Variants in MNAT1 observed in about 807,000 individuals in gnomAD.
The protein encoded by MNAT1 is MNAT1 component of CDK activating kinase.
In MNAT1, 43 loss-of-function variants were observed where a neutral mutation model predicts 42.0. The ratio of observed to expected loss-of-function variants is 1.02; its 90% CI spans 0.80 to 1.32. The LOEUF (loss-of-function observed/expected upper bound fraction) is 1.32. MNAT1 is among the 40% of genes most tolerant of loss of function. The pLI is 0.00. For synonymous variants in MNAT1, 118 were observed against 120.0 expected, an observed-to-expected ratio of 0.98 and a Z score of 0.11; for missense variants, 306 against 350.4, an observed-to-expected ratio of 0.87 and a Z score of 1.01.
At chr14:60,854,654 C>G (rs370371766) in intron 6 of MNAT1, among the ~76,000 whole-genome samples, 1 of 152,164 alleles carries the variant, frequency 6.6e-6, no homozygotes, top group African/African-American at 2.4e-5. Context: ...AAGATTGCTG[C>G]CTGCTCCTTC....
intron 1 of MNAT1, among the ~76,000 whole-genome samples, chr14:60,762,361 A>C (rs559839205): frequency 6.6e-6 from 1 of 152,126 alleles, no homozygotes; most frequent in South Asian, 2.1e-4. Context: ...ATAGATTATC[A>C]GGAGAGTGAA....
chr14:60,877,792 A>T (rs2034466139), intron 6 of MNAT1, among the ~76,000 whole-genome samples: 1 of 152,020 alleles, frequency 6.6e-6, no homozygotes, highest in African/African-American at 2.4e-5. Context: ...GTGGCACTTT[A>T]TTTTGCTCAA....
intron 6 of MNAT1, among the ~76,000 whole-genome samples, chr14:60,872,145 A>G (rs1410776124): frequency 6.6e-6 from 1 of 152,168 alleles, no homozygotes; most frequent in East Asian, 1.9e-4. Context: ...GCTTTTACTC[A>G]TGGTGGATGG....
chr14:60,813,031 G>T (rs111715800), intron 5 of MNAT1, among the ~76,000 whole-genome samples: 10 of 152,302 alleles, frequency 6.6e-5, no homozygotes, highest in African/African-American at 2.4e-4. Context: ...GAAGCCAACT[G>T]AGCTGCCAAC....
At chr14:60,781,283 G>A (rs2031451278) in intron 1 of MNAT1, among the ~76,000 whole-genome samples, 1 of 152,122 alleles carries the variant, frequency 6.6e-6, no homozygotes, top group African/African-American at 2.4e-5. Flanking sequence ...AAAGAAGCAA[G>A]TGGATTTGTG....
intron 6 of MNAT1, among the ~76,000 whole-genome samples, chr14:60,820,580 T>TAG (rs1177565264): frequency 1.3e-4 from 20 of 151,810 alleles, no homozygotes; most frequent in African/African-American, 3.9e-4. Context: ...TTTGAAAATC[T>TAG]AGATACTTCG....
intron 7 of MNAT1, among the ~76,000 whole-genome samples, chr14:60,930,318 A>G (rs1270208499): frequency 6.7e-6 from 1 of 149,804 alleles, no homozygotes; most frequent in Non-Finnish European, 1.5e-5. Flanking sequence ...TTGTTTCTCC[A>G]TCTCACTATA....
intron 6 of MNAT1, among the ~76,000 whole-genome samples, chr14:60,874,573 T>G (rs1594822123): frequency 6.6e-6 from 1 of 152,262 alleles, no homozygotes; most frequent in Non-Finnish European, 1.5e-5. Context: ...TCTGTCTTTT[T>G]CATTCTTCCA....
At chr14:60,768,048 G>GC (rs2030904500) in intron 1 of MNAT1, among the ~76,000 whole-genome samples, 1 of 152,176 alleles carries the variant, frequency 6.6e-6, no homozygotes, top group Non-Finnish European at 1.5e-5. Flanking sequence ...ACAGGCGTGA[G>GC]CCACCATGAC....
intron 7 of MNAT1, among the ~76,000 whole-genome samples, chr14:60,956,748 A>G (rs1285925693): frequency 6.6e-6 from 1 of 152,104 alleles, no homozygotes; most frequent in Admixed American, 6.5e-5. Context: ...ATCATTATCT[A>G]GTGACCTTCT....
intron 7 of MNAT1, among the ~76,000 whole-genome samples, chr14:60,892,698 G>T (rs1038738726): frequency 6.6e-6 from 1 of 151,676 alleles, no homozygotes; most frequent in Admixed American, 6.6e-5. Context: ...TTTTCTTTGT[G>T]TTTATTTTTT....
intron 1 of MNAT1, among the ~76,000 whole-genome samples, chr14:60,766,050 T>C (rs1178581328): frequency 6.6e-6 from 1 of 152,162 alleles, no homozygotes; most frequent in Non-Finnish European, 1.5e-5. Context: ...AAGGATTGCA[T>C]CTGTTAAATA....
intron 7 of MNAT1, among the ~76,000 whole-genome samples, chr14:60,910,436 A>C (rs2035322599): frequency 6.6e-6 from 1 of 152,158 alleles, no homozygotes; most frequent in Admixed American, 6.5e-5. Flanking sequence ...GTTTTTGTCC[A>C]TTCAGTATGA....
chr14:60,742,818 T>C (rs901131370), intron 1 of MNAT1, among the ~76,000 whole-genome samples: 2 of 152,266 alleles, frequency 1.3e-5, no homozygotes, highest in African/African-American at 4.8e-5. Context: ...TGTTGTAGCA[T>C]GTATGAGTAC....
intron 1 of MNAT1, among the ~76,000 whole-genome samples, chr14:60,760,530 G>A (rs1412168716): frequency 6.6e-6 from 1 of 152,168 alleles, no homozygotes; most frequent in African/African-American, 2.4e-5. Context: ...CAGACATAAA[G>A]CATTTTTTTT....
At chr14:60,962,156 C>A (rs1311898847) in intron 7 of MNAT1, among the ~76,000 whole-genome samples, 1 of 151,866 alleles carries the variant, frequency 6.6e-6, no homozygotes, top group East Asian at 1.9e-4. Flanking sequence ...TTTTAAGAAT[C>A]AAAAAATAAA....
rs2036653689 is a variant in MNAT1 at position 60,964,822 on chromosome 14, A to C, written c.810-3407A>C. ...AGAATAAAAACACAGATGTGGATTA[A>C]GGTAGAAAAGTACAGAAAACACTAA... On this transcript the variant is annotated intron_variant, in intron 7 of 7. Coordinates refer to ENST00000261245, the MANE Select transcript of MNAT1 (RefSeq NM_002431.4). Among the ~76,000 whole-genome samples the C allele has an allele frequency of 3.9e-5, 6 of 152,380 alleles. No individual in the cohort carries two copies. In the South Asian group the frequency reaches 1.2e-3, roughly 32 times the overall value.
intron 7 of MNAT1, among the ~76,000 whole-genome samples, chr14:60,881,388 T>A (rs1234913811): frequency 3.3e-5 from 5 of 152,092 alleles, no homozygotes; most frequent in Admixed American, 2.6e-4. Flanking sequence ...TTTCACCATG[T>A]TGGCCAGGCT....
intron 7 of MNAT1, among the ~76,000 whole-genome samples, chr14:60,886,248 G>C (rs1018334127): frequency 6.6e-6 from 1 of 151,922 alleles, no homozygotes; most frequent in African/African-American, 2.4e-5. Context: ...GTGGTTTCAT[G>C]TGAACTTTAT....
Sources: gnomAD v4.1 joint callset for allele counts (sites outside exome capture counted in the v4.1 genomes callset) on GRCh38, gnomAD v4.1.1 for gene constraint, MANE v1.5 for transcripts, NCBI Gene and HGNC (gene_info 2026-07-23, HGNC 2026-07-21) for gene names.